Variants in GLB1L2 observed in about 807,000 individuals in gnomAD.
The protein encoded by GLB1L2 is beta-galactosidase-1-like protein 2.
In GLB1L2, 68 loss-of-function variants were observed where a neutral mutation model predicts 84.1. The ratio of observed to expected loss-of-function variants is 0.81; its 90% CI spans 0.67 to 0.99. The LOEUF is 0.99. Among genes scored for constraint, GLB1L2 ranks in the 50% least tolerant of loss-of-function variants. GLB1L2 has a pLI of 0.00. For missense variants in GLB1L2, 762 were observed against 805.6 expected (o/e 0.95, Z 0.66); for synonymous variants, 290 against 318.0 (o/e 0.91, Z 0.94).
chr11:134,350,157 A>G (rs1591615328), intron 5 of GLB1L2, among the ~76,000 whole-genome samples: 1 of 152,172 alleles, frequency 6.6e-6, no homozygotes, highest in East Asian at 1.9e-4. Context: ...GTGCTAGTAC[A>G]CTGGCTGTAA....
In GLB1L2 at chr11:134,332,005, C is replaced by G. The variant is rs1194546621; in HGVS notation, c.-57C>G. 2.4e-6 allele frequency: 3 copies of G among 1,251,958 alleles called. No individual in the cohort carries two copies. The highest frequency in any genetic ancestry group is 2.5e-5 in the Admixed American group (1 of 39,414). 77.6% of individuals were successfully genotyped at this position (1,251,958 alleles called of 1,614,324 possible). A position where few individuals can be genotyped will look rare whatever the true frequency, so the allele number is the denominator to read the frequency against. On this transcript the variant is annotated 5_prime_UTR_variant, in exon 1 of 19. Transcript: ENST00000535456. ...CGCCCCCCGCGGCGAGGCTCCCGCGCGCGGCTGAGTGCGGACTGGAGTGGG... is the reference window on the plus strand; with the variant it reads ...CGCCCCCCGCGGCGAGGCTCCCGCGGGCGGCTGAGTGCGGACTGGAGTGGG...
At chr11:134,341,336 T>C (rs1943458340) in intron 1 of GLB1L2, among the ~76,000 whole-genome samples, 1 of 152,076 alleles carries the variant, frequency 6.6e-6, no homozygotes. Context: ...ACTCGTTTTA[T>C]AGAGGAAGAA....
At position 134,332,164 on chromosome 11, in the gene GLB1L2, C is replaced by T. The variant is rs1943306544; in HGVS notation, c.86+17C>T. The T allele has an allele frequency of 1.3e-6, 2 of 1,507,540 alleles. No individual in the cohort carries two copies. Among genetic ancestry groups the T allele is most frequent in the Non-Finnish European group, 1.8e-6 (2 of 1,116,328 alleles). 93.4% of individuals were successfully genotyped at this position (1,507,540 alleles called of 1,614,324 possible). ...GCTCCGCAGGTGAGAGAGAGCTTCG[C>T]GCAGCACCTGCCGGACCCCACATTC... is the stretch of plus-strand genomic sequence containing the variant. On this transcript the variant is annotated intron_variant, in intron 1 of 18. Coordinates refer to ENST00000535456, the MANE Select transcript of GLB1L2 (RefSeq NM_001370461.1).
chr11:134,337,330 A>G (rs1286480766), intron 1 of GLB1L2, among the ~76,000 whole-genome samples: 1 of 152,252 alleles, frequency 6.6e-6, no homozygotes, highest in Non-Finnish European at 1.5e-5. Flanking sequence ...TGCCTCTCCC[A>G]GCAAACAGGA....
chr11:134,343,866 A>G (rs1943506491), intron 2 of GLB1L2, among the ~76,000 whole-genome samples: 1 of 152,192 alleles, frequency 6.6e-6, no homozygotes, highest in Non-Finnish European at 1.5e-5. Flanking sequence ...AAAGCCAGCG[A>G]TGGGGTGGGG....
chr11:134,374,182 C>T lies in GLB1L2; in HGVS notation c.1633C>T (p.Pro545Ser). 6.2e-7 allele frequency: 1 copy of T among 1,614,162 alleles called. No homozygotes were observed. Among genetic ancestry groups the T allele is most frequent in the African/African-American group, 1.3e-5 (1 of 75,062 alleles). Residue 545 changes from proline (P) to serine (S), a missense_variant, in exon 17 of 19, where the codon CCC becomes TCC. Around this residue, in one of 3 missense-constraint regions of GLB1L2, gnomAD observed 603 missense variants for 611.7 expected, o/e 0.99. Coordinates refer to ENST00000535456, the MANE Select transcript of GLB1L2 (RefSeq NM_001370461.1). ...CAAATGGAGTTCCCTCCCAGAAACA[C>T]CCACATTACCTGCTTTCTTCTTGGG... ...LDKWSSLPET[P>S]TLPAFFLGSL...
intron 10 of GLB1L2, 74 bp from the exon 11 acceptor site, chr11:134,369,731 T>G: frequency 7.4e-7 from 1 of 1,353,096 alleles, no homozygotes; most frequent in Non-Finnish European, 1.0e-6. Context: ...CCTTCCAAGC[T>G]TCTCCCTGTT....
At chr11:134,363,084 G>C (rs756939869) in intron 7 of GLB1L2, among the ~76,000 whole-genome samples, 1 of 152,182 alleles carries the variant, frequency 6.6e-6, no homozygotes, top group Non-Finnish European at 1.5e-5. Context: ...TGCGGACTTT[G>C]AGTTCAGCCT....
intron 5 of GLB1L2, among the ~76,000 whole-genome samples, chr11:134,350,095 G>A (rs1200109082): frequency 6.6e-6 from 1 of 152,208 alleles, no homozygotes; most frequent in Non-Finnish European, 1.5e-5. Context: ...GGGGAGGGAT[G>A]TGCAAGAACT....
At chr11:134,372,288 CAAACAA>C (rs1001612392) in intron 15 of GLB1L2, 1 of 164,382 alleles carries the variant, frequency 6.1e-6, no homozygotes, top group Admixed American at 5.8e-5. Flanking sequence ...GGACATACAG[CAAACAA>C]AACACCTGTT....
At position 134,375,257 on chromosome 11, in the gene GLB1L2, G is replaced by T; in HGVS notation, c.*199G>T. 1.8e-6 allele frequency: 1 copy of T among 552,798 alleles called. No homozygotes were observed. The highest frequency in any genetic ancestry group is 2.4e-5 in the South Asian group (1 of 41,170). The allele number at this position is 552,798 out of a possible 1,614,324, so 34.2% of individuals were successfully genotyped here. On this transcript the variant is annotated 3_prime_UTR_variant, in exon 19 of 19. Transcript: ENST00000535456. ...GAAAGGTGGGATGGCTCTGGGCCTG[G>T]CTTTGTTGATGATGGCTTTCCTACA... is the stretch of plus-strand genomic sequence containing the variant.
chr11:134,336,608 A>T (rs1591608476), intron 1 of GLB1L2, among the ~76,000 whole-genome samples: 1 of 152,348 alleles, frequency 6.6e-6, no homozygotes, highest in East Asian at 1.9e-4. Flanking sequence ...ATCTTGATAG[A>T]CATTTCCAAA....
At position 134,334,126 on chromosome 11, in the gene GLB1L2, T is replaced by G. The variant is rs1247610814; in HGVS notation, c.86+1979T>G. 6.6e-6 allele frequency among the ~76,000 whole-genome samples: 1 copy of G among 152,138 alleles called. No homozygotes were observed. Among genetic ancestry groups the G allele is most frequent in the Non-Finnish European group, 1.5e-5 (1 of 68,024 alleles). ...CTTCCTGTCTTGCCCCAGCTCTGAC[T>G]GGGTCATTAACTGAGTGGGAGGTGG... On this transcript the variant is annotated intron_variant, in intron 1 of 18. Coordinates refer to ENST00000535456, the MANE Select transcript of GLB1L2 (RefSeq NM_001370461.1). This position sits in a 1 kb window ranked among gnomAD's most constrained non-coding sequence, Gnocchi z 4.1.
intron 8 of GLB1L2, chr11:134,365,185 T>C (rs1381585473): frequency 6.6e-6 from 1 of 152,312 alleles, no homozygotes; most frequent in Non-Finnish European, 1.5e-5. Context: ...CTCAGGCACA[T>C]CTGCGTGGAG....
At chr11:134,335,654 T>C (rs1364878682) in intron 1 of GLB1L2, among the ~76,000 whole-genome samples, 2 of 152,032 alleles carry the variant, frequency 1.3e-5, no homozygotes, top group East Asian at 1.9e-4. Flanking sequence ...ACCAAGAAGA[T>C]TGGAGACAAA....
chr11:134,335,151 T>C lies in GLB1L2; in HGVS notation c.86+3004T>C, dbSNP rs75465134. On this transcript the variant is annotated intron_variant, in intron 1 of 18. Coordinates refer to ENST00000535456, the MANE Select transcript of GLB1L2 (RefSeq NM_001370461.1). ...TTTCTTTATTCCAGACCCCAAATTC[T>C]TCCTATAGAAAGGAAAAGGAGGAGA... Among the ~76,000 whole-genome samples the C allele has an allele frequency of 4.2e-3, 636 of 152,194 alleles. 5 individuals are homozygous for C. The highest frequency in any genetic ancestry group is 0.014 in the African/African-American group (599 of 41,534).
rs747938335 is a variant in GLB1L2, at chr11:134,364,348, C to G, written c.754C>G (p.Gln252Glu). 5 of 1,613,800 alleles carry G rather than the reference C, an allele frequency of 3.1e-6. No homozygotes were observed. Among genetic ancestry groups the G allele is most frequent in the Non-Finnish European group, 8.5e-7 (1 of 1,179,858 alleles). ...AACAGTCTTGGCCACCATCAACTTG[C>G]AGTCAACACACGAGCTGCAGCTACT... ...VQGVLATINL[Q>E]STHELQLLTT... The change falls in exon 8 of 19, where the codon CAG (glutamine) becomes GAG (glutamate). Residue 252 changes from glutamine (Q) to glutamate (E), a missense_variant. Gln to Glu is a conservative substitution (Grantham distance 29). Transcript: ENST00000535456.
chr11:134,340,602 G>A (rs9888192), intron 1 of GLB1L2, among the ~76,000 whole-genome samples: 2,584 of 152,312 alleles, frequency 0.017, 82 homozygotes, highest in African/African-American at 0.058. Flanking sequence ...AGGCCCGGAC[G>A]GTGGCCCAGA....
rs1943414228 is a variant in GLB1L2 at position 134,338,200 on chromosome 11, G to T, written c.87-4554G>T. On this transcript the variant is annotated intron_variant, in intron 1 of 18. Transcript: ENST00000535456. This position sits in a 1 kb window ranked among gnomAD's most constrained non-coding sequence, Gnocchi z 6.2. ...TCTGTGTCTGGTCATACTCTGCATGGCAGACCAGAAAGAGATGACTGTGAC... is the reference window on the plus strand; with the variant it reads ...TCTGTGTCTGGTCATACTCTGCATGTCAGACCAGAAAGAGATGACTGTGAC... 6.6e-6 allele frequency among the ~76,000 whole-genome samples: 1 copy of T among 152,172 alleles called. No individual in the cohort carries two copies. The highest frequency in any genetic ancestry group is 2.4e-5 in the African/African-American group (1 of 41,442).
Sources: allele counts gnomAD v4.1 joint callset (sites outside exome capture counted in the v4.1 genomes callset), GRCh38; gene constraint gnomAD v4.1.1; regional missense constraint gnomAD v4.1.1; non-coding constraint Gnocchi (gnomAD v3.1); transcripts MANE v1.5; gene names NCBI Gene and HGNC (gene_info 2026-07-23, HGNC 2026-07-21).